The following RAD51B variants were observed in gnomAD, a reference collection of about 807,000 sequenced individuals.
RAD51B encodes DNA repair protein RAD51 homolog 2.
RAD51B carries 38 observed loss-of-function variants against 42.2 expected under a neutral mutation model. That is an observed-to-expected ratio of 0.90 (90% confidence interval 0.70 to 1.18). RAD51B has a LOEUF of 1.18. Among genes scored for constraint, RAD51B ranks in the 50% most tolerant of loss-of-function variants. The pLI, the probability that RAD51B is intolerant of heterozygous loss-of-function variation, is 0.00. For synonymous variants in RAD51B, 154 were observed against 145.2 expected, an observed-to-expected ratio of 1.06 and a Z score of -0.43; for missense variants, 373 against 400.7, an observed-to-expected ratio of 0.93 and a Z score of 0.59.
intron 10 of RAD51B, among the ~76,000 whole-genome samples, chr14:68,581,294 G>A (rs1369719178): frequency 1.3e-5 from 2 of 152,194 alleles, no homozygotes; most frequent in Non-Finnish European, 2.9e-5. Context: ...AGCTGGTTGG[G>A]AGGGTAAAGG....
chr14:68,205,406 T>A (rs2079564473), intron 7 of RAD51B, among the ~76,000 whole-genome samples: 1 of 152,078 alleles, frequency 6.6e-6, no homozygotes, highest in Admixed American at 6.5e-5. Flanking sequence ...GGGATAGATA[T>A]GAAACATGAA....
chr14:68,263,719 G>A (rs970033222), intron 7 of RAD51B, among the ~76,000 whole-genome samples: 1 of 152,182 alleles, frequency 6.6e-6, no homozygotes, highest in Non-Finnish European at 1.5e-5. Context: ...CAGTCTCTGG[G>A]AAGAGGAAAG....
intron 7 of RAD51B, among the ~76,000 whole-genome samples, chr14:67,980,383 G>T (rs1426302333): frequency 6.6e-6 from 1 of 152,214 alleles, no homozygotes; most frequent in Non-Finnish European, 1.5e-5. Context: ...GGCAGAAGTT[G>T]CAGTGAGCCA....
chr14:68,327,839 T>C (rs2082279198), intron 8 of RAD51B, among the ~76,000 whole-genome samples: 1 of 152,204 alleles, frequency 6.6e-6, no homozygotes, highest in South Asian at 2.1e-4. Flanking sequence ...CACTGTGCCT[T>C]AGTAAACACG....
intron 7 of RAD51B, among the ~76,000 whole-genome samples, chr14:68,193,750 G>A (rs1329933742): frequency 2.6e-5 from 4 of 152,170 alleles, no homozygotes; most frequent in African/African-American, 9.7e-5. Flanking sequence ...ACCAAGTCAA[G>A]TTGAGGCAAG....
At chr14:67,835,809 T>G (rs1172895824) in intron 4 of RAD51B, among the ~76,000 whole-genome samples, 1 of 151,922 alleles carries the variant, frequency 6.6e-6, no homozygotes, top group East Asian at 1.9e-4. Context: ...TGAGCCATGG[T>G]CACACCACTG....
intron 7 of RAD51B, among the ~76,000 whole-genome samples, chr14:68,095,145 A>C (rs2077170114): frequency 6.6e-6 from 1 of 152,230 alleles, no homozygotes; most frequent in Admixed American, 6.5e-5. Flanking sequence ...CTATATCAAA[A>C]ATTTGATGAT....
intron 7 of RAD51B, among the ~76,000 whole-genome samples, chr14:68,030,666 A>T (rs2076027283): frequency 6.6e-6 from 1 of 152,130 alleles, no homozygotes; most frequent in Non-Finnish European, 1.5e-5. Flanking sequence ...TTCACTTTGT[A>T]TTATTTATTT....
chr14:68,320,176 A>G (rs1250190039), intron 8 of RAD51B, among the ~76,000 whole-genome samples: 1 of 152,186 alleles, frequency 6.6e-6, no homozygotes, highest in Non-Finnish European at 1.5e-5. Flanking sequence ...TACTGGCTGG[A>G]ATTAATAGAG....
At chr14:68,341,726 A>G (rs548945041) in intron 8 of RAD51B, among the ~76,000 whole-genome samples, 1 of 152,202 alleles carries the variant, frequency 6.6e-6, no homozygotes, top group South Asian at 2.1e-4. Context: ...TTTTCTCTCC[A>G]ACTTTGTCAG....
At chr14:68,002,365 T>C (rs1453666108) in intron 7 of RAD51B, among the ~76,000 whole-genome samples, 3 of 152,202 alleles carry the variant, frequency 2.0e-5, no homozygotes, top group Non-Finnish European at 1.5e-5. Flanking sequence ...TCATGTCCTT[T>C]GCCTACTTTT....
At chr14:67,935,536 A>C (rs1215678857) in intron 7 of RAD51B, among the ~76,000 whole-genome samples, 1 of 152,050 alleles carries the variant, frequency 6.6e-6, no homozygotes, top group Non-Finnish European at 1.5e-5. Context: ...TGCTGATTTT[A>C]AAATTTTTTT....
intron 5 of RAD51B, among the ~76,000 whole-genome samples, chr14:67,868,400 G>A (rs2042399014): frequency 6.6e-6 from 1 of 152,230 alleles, no homozygotes; most frequent in African/African-American, 2.4e-5. Context: ...CAGAGCATCA[G>A]GAGATTATAT....
At chr14:67,944,371 TTTTG>T (rs1281055855) in intron 7 of RAD51B, among the ~76,000 whole-genome samples, 27 of 151,964 alleles carry the variant, frequency 1.8e-4, no homozygotes, top group African/African-American at 6.0e-4. Flanking sequence ...TTTATGAGGG[TTTTG>T]TTTGTTTGTT....
At chr14:68,416,509 T>A (rs2084563806) in intron 9 of RAD51B, among the ~76,000 whole-genome samples, 1 of 152,186 alleles carries the variant, frequency 6.6e-6, no homozygotes, top group Non-Finnish European at 1.5e-5. Flanking sequence ...GAAAAAGAAA[T>A]GCACTCCCTG....
At chr14:68,325,544 G>A (rs1348263018) in intron 8 of RAD51B, among the ~76,000 whole-genome samples, 1 of 151,322 alleles carries the variant, frequency 6.6e-6, no homozygotes, top group Non-Finnish European at 1.5e-5. Context: ...ATCTTTTGGT[G>A]TGTAGGTATA....
intron 8 of RAD51B, among the ~76,000 whole-genome samples, chr14:68,381,026 C>T (rs2083468189): frequency 6.6e-6 from 1 of 152,218 alleles, no homozygotes; most frequent in African/African-American, 2.4e-5. Flanking sequence ...GAATCTTAGC[C>T]ATGAAATCAT....
chr14:68,231,926 G>C (rs1595580792), intron 7 of RAD51B, among the ~76,000 whole-genome samples: 2 of 152,292 alleles, frequency 1.3e-5, no homozygotes, highest in Admixed American at 1.3e-4. Context: ...TATAAATGCA[G>C]TGATGGAACA....
intron 7 of RAD51B, among the ~76,000 whole-genome samples, chr14:68,267,408 T>G (rs1397429726): frequency 6.6e-6 from 1 of 152,224 alleles, no homozygotes; most frequent in Admixed American, 6.5e-5. Flanking sequence ...GTCATTTCAT[T>G]TAACATCAAA....
Sources: allele counts gnomAD v4.1 joint callset (sites outside exome capture counted in the v4.1 genomes callset), GRCh38; gene constraint gnomAD v4.1.1; transcripts MANE v1.5; gene names NCBI Gene and HGNC (gene_info 2026-07-23, HGNC 2026-07-21).